Variants in ATXN7L1 observed in about 807,000 individuals in gnomAD.
The protein encoded by ATXN7L1 is ataxin 7 like 1, also known as ataxin-7-like protein 1.
Under a neutral mutation model 70.8 loss-of-function variants are expected in ATXN7L1, and 15 were observed. That is an observed-to-expected ratio of 0.21 (90% confidence interval 0.14 to 0.33). The LOEUF (loss-of-function observed/expected upper bound fraction) is 0.33. Ranked by LOEUF, ATXN7L1 falls within the 10% of genes least tolerant of loss-of-function variation. ATXN7L1 has a pLI of 1.00. For missense variants in ATXN7L1, 975 were observed against 1,097.1 expected, an observed-to-expected ratio of 0.89 and a Z score of 1.57; for synonymous variants, 440 against 445.1, an observed-to-expected ratio of 0.99 and a Z score of 0.14.
At chr7:105,644,484 GAC>G (rs1798705045) in intron 4 of ATXN7L1, among the ~76,000 whole-genome samples, 1 of 152,186 alleles carries the variant, frequency 6.6e-6, no homozygotes, top group African/African-American at 2.4e-5. Flanking sequence ...AAACTAGAAT[GAC>G]AGTTTTTTGT....
intron 4 of ATXN7L1, among the ~76,000 whole-genome samples, chr7:105,648,581 G>A (rs1304221603): frequency 6.6e-6 from 1 of 152,208 alleles, no homozygotes; most frequent in Admixed American, 6.5e-5. Flanking sequence ...GCTGACATAA[G>A]AGCCTATTAA....
intron 2 of ATXN7L1, among the ~76,000 whole-genome samples, chr7:105,851,047 G>T (rs376966429): frequency 6.6e-6 from 1 of 151,984 alleles, no homozygotes; most frequent in African/African-American, 2.4e-5. Flanking sequence ...ATTCTGGCTC[G>T]TTTTTTATGT....
chr7:105,694,854 T>C (rs538032266), intron 3 of ATXN7L1, among the ~76,000 whole-genome samples: 1 of 152,282 alleles, frequency 6.6e-6, no homozygotes, highest in East Asian at 1.9e-4. Context: ...GTTGTTTGAC[T>C]CTAAAAGCAC....
rs138015573 is a variant in ATXN7L1 at position 105,800,037 on chromosome 7, C to T, written c.251-11329G>A. Among the ~76,000 whole-genome samples the T allele has an allele frequency of 3.4e-3, 521 of 152,266 alleles. 5 individuals are homozygous for T. Among genetic ancestry groups the T allele is most frequent in the African/African-American group, 0.012 (489 of 41,522 alleles). ...AAGCCAGTCGTATGTGCCTGGAAGA[C>T]CACTTTGAAGGTGCTGGGGCCTAAA... is the stretch of plus-strand genomic sequence containing the variant. On this transcript the variant is annotated intron_variant, in intron 2 of 11. Transcript: ENST00000419735.
chr7:105,747,103 A>G (rs960648731), intron 3 of ATXN7L1, among the ~76,000 whole-genome samples: 51 of 152,354 alleles, frequency 3.3e-4, no homozygotes, highest in Non-Finnish European at 6.5e-4. Context: ...AAGCGCCAAA[A>G]TGATGTCTTT....
chr7:105,803,020 C>A (rs1188525832), intron 2 of ATXN7L1, among the ~76,000 whole-genome samples: 1 of 152,234 alleles, frequency 6.6e-6, no homozygotes, highest in Non-Finnish European at 1.5e-5. Context: ...GAAAACAAAA[C>A]CCCTTCAATC....
rs200153235 is a variant in ATXN7L1 at position 105,750,283 on chromosome 7, CT to C, written c.355+38320del. ...ATATAATTTTAGATTTATAATTGCT[CT>C]TTTTTTTTTTTGAGACAGGATCTCA... On this transcript the variant is annotated intron_variant, in intron 3 of 11. Coordinates refer to ENST00000419735, the MANE Select transcript of ATXN7L1 (RefSeq NM_020725.2). Among the ~76,000 whole-genome samples, 137 of 145,874 alleles carry C rather than the reference CT, an allele frequency of 9.4e-4. 1 individual carries two copies. Among genetic ancestry groups the C allele is most frequent in the East Asian group, 6.7e-3 (33 of 4,914 alleles).
intron 3 of ATXN7L1, among the ~76,000 whole-genome samples, chr7:105,690,287 G>A (rs1267778558): frequency 6.6e-6 from 1 of 152,206 alleles, no homozygotes; most frequent in South Asian, 2.1e-4. Context: ...TTACAGGCAT[G>A]AGCCACCGCG....
chr7:105,708,695 CT>C (rs34279468), intron 3 of ATXN7L1, among the ~76,000 whole-genome samples: 33,759 of 152,110 alleles, frequency 0.22, 3,791 homozygotes, highest in Non-Finnish European at 0.24. Context: ...TGTATAATAT[CT>C]TAAGACTGCT....
chr7:105,635,251 G>C (rs1052408829), intron 7 of ATXN7L1, among the ~76,000 whole-genome samples: 2 of 152,200 alleles, frequency 1.3e-5, no homozygotes, highest in Admixed American at 1.3e-4. Flanking sequence ...GGCTGGGCTA[G>C]TCATCCACAA....
rs550028342 is a variant in ATXN7L1 at position 105,711,833 on chromosome 7, T to C, written c.356-46545A>G. On this transcript the variant is annotated intron_variant, in intron 3 of 11. Transcript: ENST00000419735. Reference sequence around the variant, plus strand: ...ACAGCTCCACTAGGCAATGCCCCAGTGCGGACTTTGTGTGGGGCTTCCAAC... The same window carrying C: ...ACAGCTCCACTAGGCAATGCCCCAGCGCGGACTTTGTGTGGGGCTTCCAAC... Among the ~76,000 whole-genome samples the C allele has an allele frequency of 3.3e-5, 5 of 152,356 alleles. No homozygotes were observed. The East Asian group carries it at 9.7e-4, about 29-fold the overall frequency.
intron 4 of ATXN7L1, among the ~76,000 whole-genome samples, chr7:105,648,106 G>A (rs182914908): frequency 6.6e-6 from 1 of 152,212 alleles, no homozygotes; most frequent in Non-Finnish European, 1.5e-5. Context: ...TTGGTAAGGG[G>A]CTGGGCCACT....
Position 105,674,795 on chromosome 7 carries a change from G to C in ATXN7L1, c.356-9507C>G, listed in dbSNP as rs141427824. Among the ~76,000 whole-genome samples, 1,150 of 152,262 alleles carry C rather than the reference G, an allele frequency of 7.6e-3. 9 individuals are homozygous for C. Among genetic ancestry groups the C allele is most frequent in the South Asian group, 0.028 (136 of 4,832 alleles). On this transcript the variant is annotated intron_variant, in intron 3 of 11. Transcript: ENST00000419735. ...TCTTCTATTTGTCATTTATACTAAG[G>C]TGCAAATTTCTGGCATCACCACTAT...
chr7:105,634,333 T>C (rs1293413111), intron 7 of ATXN7L1, among the ~76,000 whole-genome samples: 2 of 152,132 alleles, frequency 1.3e-5, no homozygotes, highest in African/African-American at 2.4e-5. Flanking sequence ...ACCTTACCAC[T>C]TTGAGGAAGC....
intron 9 of ATXN7L1, chr7:105,617,958 G>C (rs1261380714): frequency 2.2e-6 from 1 of 456,762 alleles, no homozygotes; most frequent in East Asian, 6.9e-5. Flanking sequence ...TGGGCAGCGA[G>C]GTTGAGAGGG....
chr7:105,715,942 C>G (rs1172881901), intron 3 of ATXN7L1, among the ~76,000 whole-genome samples: 2 of 152,074 alleles, frequency 1.3e-5, no homozygotes, highest in African/African-American at 2.4e-5. Context: ...CTAATTGGCA[C>G]CAGCAGGCTT....
At position 105,779,528 on chromosome 7, in the gene ATXN7L1, C is replaced by T. The variant is rs556066528; in HGVS notation, c.355+9076G>A. On this transcript the variant is annotated intron_variant, in intron 3 of 11. Coordinates refer to ENST00000419735, the MANE Select transcript of ATXN7L1 (RefSeq NM_020725.2). The stretch of plus-strand genomic sequence containing the variant: ...ATGCTTGATTTATGGGATAATCCTT[C>T]GTTAATCAGTCATTCTGTCATTTCT... 4.1e-3 allele frequency among the ~76,000 whole-genome samples: 619 copies of T among 152,232 alleles called. 15 individuals are homozygous for T. The highest frequency in any genetic ancestry group is 1.2e-3 in the East Asian group (6 of 5,184).
chr7:105,611,764 T>G (rs941536078), intron 10 of ATXN7L1, among the ~76,000 whole-genome samples: 1 of 152,232 alleles, frequency 6.6e-6, no homozygotes, highest in African/African-American at 2.4e-5. Context: ...GATCCCCAAA[T>G]TGTTCTCAAA....
intron 4 of ATXN7L1, among the ~76,000 whole-genome samples, chr7:105,657,010 A>C (rs1250281600): frequency 6.6e-6 from 1 of 152,174 alleles, no homozygotes; most frequent in Non-Finnish European, 1.5e-5. Context: ...ATTGCTGTAC[A>C]TGTGAATTTG....
Sources: allele counts gnomAD v4.1 joint callset (sites outside exome capture counted in the v4.1 genomes callset), GRCh38; gene constraint gnomAD v4.1.1; transcripts MANE v1.5; gene names NCBI Gene and HGNC (gene_info 2026-07-23, HGNC 2026-07-21).